The following EHBP1 variants were observed in gnomAD, a reference collection of about 807,000 sequenced individuals.
EHBP1 encodes EH domain-binding protein 1.
EHBP1 carries 55 observed loss-of-function variants against 144.0 expected under a neutral mutation model. That is an observed-to-expected ratio of 0.38 (90% CI 0.31 to 0.48). The LOEUF is 0.48. Among genes scored for constraint, EHBP1 ranks in the 20% least tolerant of loss-of-function variants. The probability of loss-of-function intolerance (pLI) is 0.98; values close to 1 mark genes in which losing one functional copy is unlikely to be tolerated. For synonymous variants in EHBP1, 469 were observed against 472.7 expected (o/e 0.99, Z 0.10); for missense variants, 1,200 against 1,364.2 (o/e 0.88, Z 1.90).
chr2:62,993,341 T>C (rs1056414009), intron 16 of EHBP1, among the ~76,000 whole-genome samples, 189 bp from the exon 17 acceptor site: 8 of 152,156 alleles, frequency 5.3e-5, no homozygotes, highest in African/African-American at 1.9e-4. Flanking sequence ...AGTTAAACCA[T>C]GTGTCCCAAA....
At chr2:62,700,133 T>C (rs1216395396) in intron 1 of EHBP1, among the ~76,000 whole-genome samples, 1 of 152,122 alleles carries the variant, frequency 6.6e-6, no homozygotes, top group Non-Finnish European at 1.5e-5. Flanking sequence ...TAAGCTTTTA[T>C]GTCAACCAAA....
At chr2:62,830,791 T>C (rs565559561) in intron 6 of EHBP1, among the ~76,000 whole-genome samples, 18 of 152,346 alleles carry the variant, frequency 1.2e-4, no homozygotes, top group Admixed American at 3.3e-4. Context: ...TTTAAGTCTT[T>C]GATCTAACCA....
At chr2:62,916,026 T>C (rs987148912) in intron 10 of EHBP1, among the ~76,000 whole-genome samples, 13 of 152,054 alleles carry the variant, frequency 8.5e-5, no homozygotes, top group Admixed American at 7.9e-4. Flanking sequence ...ATTACAGCAT[T>C]AAATTTAAAA....
intron 2 of EHBP1, among the ~76,000 whole-genome samples, chr2:62,730,805 GAGAC>G (rs369390933): frequency 9.8e-6 from 1 of 101,572 alleles, no homozygotes; most frequent in African/African-American, 4.2e-5. Context: ...GAGATGGACA[GAGAC>G]AGAGAGAAAA....
intron 5 of EHBP1, among the ~76,000 whole-genome samples, chr2:62,774,656 C>T (rs896443454): frequency 6.6e-6 from 1 of 151,952 alleles, no homozygotes; most frequent in South Asian, 2.1e-4. Flanking sequence ...CCAGCCTGGG[C>T]AACACAAAGG....
At chr2:62,957,396 A>C (rs539871882) in intron 14 of EHBP1, among the ~76,000 whole-genome samples, 19 of 152,302 alleles carry the variant, frequency 1.2e-4, no homozygotes, top group Admixed American at 1.0e-3. Context: ...TATAGCAAAC[A>C]TACTTAATTG....
intron 5 of EHBP1, among the ~76,000 whole-genome samples, chr2:62,790,347 G>GA (rs2043091089): frequency 6.6e-6 from 1 of 151,978 alleles, no homozygotes; most frequent in African/African-American, 2.4e-5. Flanking sequence ...GATGTTCTTT[G>GA]AAAAAAGCAC....
chr2:62,958,915 A>C (rs1438004749), intron 14 of EHBP1, among the ~76,000 whole-genome samples: 1 of 152,214 alleles, frequency 6.6e-6, no homozygotes, highest in East Asian at 1.9e-4. Context: ...AACAGTTAAC[A>C]TGAGAGCTAC....
At chr2:62,882,709 C>T (rs1316008968) in intron 10 of EHBP1, among the ~76,000 whole-genome samples, 1 of 152,110 alleles carries the variant, frequency 6.6e-6, no homozygotes, top group Admixed American at 6.6e-5. Flanking sequence ...ATGGAGAAAC[C>T]TCGTCTCTAC....
chr2:62,688,384 A>G (rs990569852), intron 1 of EHBP1, among the ~76,000 whole-genome samples: 1 of 152,090 alleles, frequency 6.6e-6, no homozygotes, highest in African/African-American at 2.4e-5. Context: ...ATACATCTTT[A>G]TGGGGTACAT....
At chr2:62,681,340 G>GTATATATATATATATATATATA (rs768323831) in intron 1 of EHBP1, among the ~76,000 whole-genome samples, 4,621 of 57,920 alleles carry the variant, frequency 0.08, 575 homozygotes, top group Admixed American at 0.088. Context: ...ATGTGTGTGT[G>GTATATATATATATATATATATA]TATATATATA....
chr2:63,006,517 G>T (rs997663614), intron 19 of EHBP1, among the ~76,000 whole-genome samples: 1 of 151,818 alleles, frequency 6.6e-6, no homozygotes, highest in Non-Finnish European at 1.5e-5. Flanking sequence ...AGTACTGACA[G>T]GCTTTCTCTG....
chr2:62,891,232 A>G (rs895594004), intron 10 of EHBP1, among the ~76,000 whole-genome samples: 2 of 152,144 alleles, frequency 1.3e-5, no homozygotes, highest in Non-Finnish European at 2.9e-5. Flanking sequence ...AGAAGAAATT[A>G]TAACAGAATA....
chr2:62,761,761 A>T (rs539674366), intron 3 of EHBP1, among the ~76,000 whole-genome samples: 8 of 152,142 alleles, frequency 5.3e-5, no homozygotes, highest in African/African-American at 9.7e-5. Context: ...CTTCTGCATC[A>T]TTAGATTTTC....
chr2:62,913,864 C>G (rs530302407), intron 10 of EHBP1, among the ~76,000 whole-genome samples: 15 of 152,196 alleles, frequency 9.9e-5, no homozygotes, highest in South Asian at 4.2e-4. Flanking sequence ...TAATTTGTAG[C>G]CTGAACATTG....
At chr2:62,890,797 A>G (rs1339319240) in intron 10 of EHBP1, among the ~76,000 whole-genome samples, 1 of 152,238 alleles carries the variant, frequency 6.6e-6, no homozygotes, top group African/African-American at 2.4e-5. Context: ...AAGTCAAACT[A>G]AAGCATGTTT....
intron 19 of EHBP1, among the ~76,000 whole-genome samples, chr2:63,037,326 A>C (rs756923690): frequency 6.6e-6 from 1 of 152,012 alleles, no homozygotes; most frequent in Non-Finnish European, 1.5e-5. Flanking sequence ...CGGTATGTTC[A>C]CGGAGAGTAA....
chr2:63,005,307 A>G (rs907757580), intron 19 of EHBP1, among the ~76,000 whole-genome samples: 7 of 152,058 alleles, frequency 4.6e-5, no homozygotes, highest in Non-Finnish European at 8.8e-5. Context: ...TTGTGGAGAA[A>G]AGATGCCTGA....
chr2:62,909,254 A>G (rs1394638624), intron 10 of EHBP1, among the ~76,000 whole-genome samples: 1 of 151,646 alleles, frequency 6.6e-6, no homozygotes, highest in Non-Finnish European at 1.5e-5. Flanking sequence ...TCTTGGCTCA[A>G]TGCAACCTCC....
Sources: allele counts gnomAD v4.1 joint callset (sites outside exome capture counted in the v4.1 genomes callset), GRCh38; gene constraint gnomAD v4.1.1; transcripts MANE v1.5; gene names NCBI Gene and HGNC (gene_info 2026-07-23, HGNC 2026-07-21).